The following EFHC2 variants were observed in gnomAD, a reference collection of about 807,000 sequenced individuals.
The protein encoded by EFHC2 is EF-hand domain-containing family member C2.
Under a neutral mutation model 52.7 loss-of-function variants are expected in EFHC2, and 18 were observed. The ratio of observed to expected loss-of-function variants is 0.34; its 90% CI spans 0.24 to 0.51. EFHC2 has a LOEUF of 0.51. Ranked by LOEUF, EFHC2 falls within the 20% of genes least tolerant of loss-of-function variation. The probability of loss-of-function intolerance (pLI) is 0.97; values close to 1 mark genes in which losing one functional copy is unlikely to be tolerated. For synonymous variants in EFHC2, 203 were observed against 204.1 expected (o/e 0.99, Z 0.04); for missense variants, 513 against 562.5 (o/e 0.91, Z 0.89).
chrX:44,248,195 C>T (rs2037414925), intron 7 of EFHC2, 77 bp downstream of exon 7: 2 of 923,933 alleles, frequency 2.2e-6, no homozygotes, highest in East Asian at 3.5e-5. Flanking sequence ...GCATTTGAAA[C>T]TCCAAAGTAA....
chrX:44,286,831 T>C (rs1197967095), intron 2 of EFHC2, among the ~76,000 whole-genome samples: 1 of 104,433 alleles, frequency 9.6e-6, no homozygotes, highest in Non-Finnish European at 2.0e-5. Flanking sequence ...CTGGGCAACA[T>C]AGTGAAACCT....
chrX:44,323,777 A>T (rs1412801493), intron 1 of EFHC2, among the ~76,000 whole-genome samples: 1 of 111,578 alleles, frequency 9.0e-6, no homozygotes, highest in African/African-American at 3.3e-5. Context: ...CAAGAGAAAG[A>T]GAAGGGGCTG....
intron 11 of EFHC2, among the ~76,000 whole-genome samples, chrX:44,224,518 T>G (rs2037216732): frequency 8.9e-6 from 1 of 112,377 alleles, no homozygotes; most frequent in Non-Finnish European, 1.9e-5. Flanking sequence ...TTATATTACC[T>G]CTTTTAGGAA....
chrX:44,287,037 A>G (rs1242527577), intron 2 of EFHC2, among the ~76,000 whole-genome samples: 6 of 100,065 alleles, frequency 6.0e-5, no homozygotes, highest in Non-Finnish European at 1.0e-4. Context: ...AAAAAAAAAA[A>G]AAAAAAAAAA....
intron 11 of EFHC2, among the ~76,000 whole-genome samples, chrX:44,184,222 C>T (rs182034965): frequency 8.7e-4 from 97 of 111,548 alleles, no homozygotes; most frequent in Middle Eastern, 4.6e-3. Flanking sequence ...TCCTCTACAA[C>T]CCTTCCCATC....
intron 8 of EFHC2, 52 bp downstream of exon 8, chrX:44,242,069 C>T: frequency 9.0e-7 from 1 of 1,105,731 alleles, no homozygotes; most frequent in Non-Finnish European, 1.2e-6. Context: ...ATGTTATAAA[C>T]CCCAAACACA....
At chrX:44,279,483 A>G (rs897615563) in intron 2 of EFHC2, among the ~76,000 whole-genome samples, 1 of 112,202 alleles carries the variant, frequency 8.9e-6, no homozygotes, top group Non-Finnish European at 1.9e-5. Context: ...AAATAAATAA[A>G]ATAGATAAGA....
At chrX:44,320,722 A>G (rs899581671) in intron 1 of EFHC2, among the ~76,000 whole-genome samples, 1 of 109,979 alleles carries the variant, frequency 9.1e-6, no homozygotes, top group Non-Finnish European at 1.9e-5. Context: ...TTTCGTTACC[A>G]TCTTGACTCC....
At chrX:44,193,909 C>T (rs745307592) in intron 11 of EFHC2, among the ~76,000 whole-genome samples, 12 of 111,663 alleles carry the variant, frequency 1.1e-4, no homozygotes, top group Admixed American at 1.0e-3. Context: ...GGATGAGGGG[C>T]AGAGTAAAAG....
chrX:44,306,125 G>C (rs1010475128), intron 2 of EFHC2, among the ~76,000 whole-genome samples: 1 of 111,229 alleles, frequency 9.0e-6, no homozygotes, highest in African/African-American at 3.3e-5. Context: ...TCACCTCATT[G>C]CAAGATGCAA....
At chrX:44,312,856 TC>T in intron 1 of EFHC2, 100 bp from the exon 2 acceptor site, 1 of 851,034 alleles carries the variant, frequency 1.2e-6, no homozygotes, top group Non-Finnish European at 1.6e-6. Flanking sequence ...CATGTATTTT[TC>T]CCTCACAAAA....
intron 3 of EFHC2, among the ~76,000 whole-genome samples, chrX:44,261,636 G>T (rs1444226000): frequency 2.8e-5 from 3 of 107,009 alleles, no homozygotes; most frequent in Non-Finnish European, 5.7e-5. Context: ...CTGCCATCAT[G>T]TCTTTTCCTA....
chrX:44,322,269 T>C (rs1282426766), intron 1 of EFHC2, among the ~76,000 whole-genome samples: 1 of 112,096 alleles, frequency 8.9e-6, no homozygotes, highest in Non-Finnish European at 1.9e-5. Flanking sequence ...AGTTTCCTGT[T>C]TATATACTTG....
At chrX:44,334,039 G>C (rs1457938907) in intron 1 of EFHC2, among the ~76,000 whole-genome samples, 1 of 111,975 alleles carries the variant, frequency 8.9e-6, no homozygotes, top group Non-Finnish European at 1.9e-5. Flanking sequence ...ATCAGTCACT[G>C]CCTAAATCTG....
intron 2 of EFHC2, among the ~76,000 whole-genome samples, chrX:44,303,039 G>T (rs766136182): frequency 9.0e-6 from 1 of 111,209 alleles, no homozygotes; most frequent in Non-Finnish European, 1.9e-5. Context: ...TAATCCTACC[G>T]CAGGAAAATT....
At chrX:44,280,906 T>G (rs946712565) in intron 2 of EFHC2, among the ~76,000 whole-genome samples, 1 of 111,656 alleles carries the variant, frequency 9.0e-6, no homozygotes, top group Admixed American at 9.5e-5. Flanking sequence ...TCAATGTCAT[T>G]CTGGAGGGAC....
intron 2 of EFHC2, among the ~76,000 whole-genome samples, chrX:44,309,075 G>C (rs192767038): frequency 1.0e-3 from 116 of 112,711 alleles, no homozygotes; most frequent in African/African-American, 3.6e-3. Flanking sequence ...TCACTTTAAA[G>C]CCAAGACTGC....
chrX:44,335,146 G>A (rs1187233663), intron 1 of EFHC2, among the ~76,000 whole-genome samples: 1 of 109,428 alleles, frequency 9.1e-6, no homozygotes, highest in Non-Finnish European at 1.9e-5. Flanking sequence ...ATGCTACCAA[G>A]TATTGAATAA....
chrX:44,310,549 A>G, intron 2 of EFHC2: 1 of 359,715 alleles, frequency 2.8e-6, no homozygotes, highest in Non-Finnish European at 4.9e-6. Flanking sequence ...AAAATGTCTC[A>G]TTTTTAAGAC....
Sources: gnomAD v4.1 joint callset for allele counts (sites outside exome capture counted in the v4.1 genomes callset) on GRCh38, gnomAD v4.1.1 for gene constraint, MANE v1.5 for transcripts, NCBI Gene and HGNC (gene_info 2026-07-23, HGNC 2026-07-21) for gene names.